BECN1: variants seen among roughly 807,000 people sequenced by gnomAD.
The protein encoded by BECN1 is beclin-1.
BECN1 carries 15 observed loss-of-function variants against 60.1 expected under a neutral mutation model. That is an observed-to-expected ratio of 0.25 (90% confidence interval 0.17 to 0.38). BECN1 has a LOEUF of 0.38. Among genes scored for constraint, BECN1 ranks in the 10% least tolerant of loss-of-function variants. The pLI, the probability that BECN1 is intolerant of heterozygous loss-of-function variation, is 1.00. For missense variants in BECN1, 424 were observed against 548.2 expected (o/e 0.77, Z 2.26); for synonymous variants, 179 against 201.8 (o/e 0.89, Z 0.96).
rs2054976439 is a variant in BECN1, at chr17:42,810,633, T to C, written c.*127A>G. 4.9e-6 allele frequency: 5 copies of C among 1,022,344 alleles called. No individual in the cohort carries two copies. In the East Asian group the frequency reaches 1.4e-4, roughly 29 times the overall value. The allele number at this position is 1,022,344 out of a possible 1,614,324, so 63.3% of individuals were successfully genotyped here. A position where few individuals can be genotyped will look rare whatever the true frequency, so the allele number is the denominator to read the frequency against. ...ATATTTTAAAATAAAGTGGCTTTTG[T>C]GGATTTTTTCTTTTTTGGTATTGTA... On this transcript the variant is annotated 3_prime_UTR_variant, in exon 12 of 12. Coordinates refer to ENST00000590099, the MANE Select transcript of BECN1 (RefSeq NM_001313998.2).
At chr17:42,819,458 C>CT in intron 4 of BECN1, 90 bp downstream of exon 4, 2 of 1,408,376 alleles carry the variant, frequency 1.4e-6, no homozygotes, top group South Asian at 2.5e-5. Context: ...TGATGCATCT[C>CT]TATCACCTGG....
At chr17:42,811,198 T>C (rs776138285) in intron 11 of BECN1, 2 of 354,624 alleles carry the variant, frequency 5.6e-6, no homozygotes, top group Non-Finnish European at 1.0e-5. Flanking sequence ...ACAGTACTTC[T>C]TGCTGTTTTC....
At chr17:42,819,681 G>T in intron 3 of BECN1, 72 bp from the exon 4 acceptor site, 1 of 1,455,210 alleles carries the variant, frequency 6.9e-7, no homozygotes, top group South Asian at 1.2e-5. Flanking sequence ...AACAGCCTCA[G>T]AACTATATGG....
chr17:42,814,904 C>G, intron 8 of BECN1: 1 of 548,742 alleles, frequency 1.8e-6, no homozygotes, highest in Non-Finnish European at 3.2e-6. Context: ...TCAGCTCCTT[C>G]CGTGCAAAAC....
In BECN1 at chr17:42,820,660, T is replaced by C; in HGVS notation, c.198+114A>G. 3.7e-6 allele frequency: 4 copies of C among 1,075,142 alleles called. No individual in the cohort carries two copies. The South Asian group carries it at 5.8e-5, about 16-fold the overall frequency. The allele number at this position is 1,075,142 out of a possible 1,614,324, so 66.6% of individuals were successfully genotyped here. ...AGAGATCCCAAAAGTCCGGGAGCTC[T>C]AGAAGCGCCAAGTAGCCTGCAGAAA... On this transcript the variant is annotated intron_variant, in intron 3 of 11. Coordinates refer to ENST00000590099, the MANE Select transcript of BECN1 (RefSeq NM_001313998.2).
At chr17:42,815,885 C>T in intron 8 of BECN1, 23 bp downstream of exon 8, 1 of 1,614,120 alleles carries the variant, frequency 6.2e-7, no homozygotes, top group Non-Finnish European at 8.5e-7. Context: ...GTGCAGTGCT[C>T]CTCATCCCCT....
chr17:42,823,465 G>A (rs548979242), intron 2 of BECN1, among the ~76,000 whole-genome samples: 1 of 152,134 alleles, frequency 6.6e-6, no homozygotes, highest in Non-Finnish European at 1.5e-5. Context: ...TGTTGGCCAG[G>A]CTGGTCTCGA....
intron 9 of BECN1, 78 bp downstream of exon 9, chr17:42,814,446 G>A (rs2055102558): frequency 6.4e-7 from 1 of 1,572,886 alleles, no homozygotes; most frequent in Non-Finnish European, 8.7e-7. Flanking sequence ...CTCCTGACAT[G>A]GTGGACAGCA....
At chr17:42,813,783 A>G (rs983767750) in intron 10 of BECN1, 165 bp downstream of exon 10, 3 of 512,980 alleles carry the variant, frequency 5.8e-6, no homozygotes, top group Non-Finnish European at 1.0e-5. Context: ...TGTCTACAAG[A>G]CCCCCAAAAC....
intron 11 of BECN1, 89 bp from the exon 12 acceptor site, chr17:42,811,017 T>A: frequency 7.7e-7 from 1 of 1,303,422 alleles, no homozygotes. Context: ...ACCATTCACG[T>A]CATTTTATCT....
At position 42,810,257 on chromosome 17, in the gene BECN1, C is replaced by G. The variant is rs2054965124; in HGVS notation, c.*503G>C. 6.5e-6 allele frequency: 1 copy of G among 152,954 alleles called. No homozygotes were observed. Among genetic ancestry groups the G allele is most frequent in the Admixed American group, 6.5e-5 (1 of 15,294 alleles). 9.5% of individuals were successfully genotyped at this position (152,954 alleles called of 1,614,324 possible). ...GCAGAGTCGGCATTCAGTATAAGAA[C>G]CAAGTGAAAAGTGTTAAATTTCAAG... On this transcript the variant is annotated 3_prime_UTR_variant, in exon 12 of 12. Coordinates refer to ENST00000590099, the MANE Select transcript of BECN1 (RefSeq NM_001313998.2).
chr17:42,817,990 T>G (rs534309399), intron 7 of BECN1, among the ~76,000 whole-genome samples: 3 of 152,226 alleles, frequency 2.0e-5, no homozygotes, highest in Non-Finnish European at 4.4e-5. Flanking sequence ...CTCTGGTTTC[T>G]GCACTATTTA....
At chr17:42,821,361 T>C (rs906507113) in intron 2 of BECN1, among the ~76,000 whole-genome samples, 2 of 152,160 alleles carry the variant, frequency 1.3e-5, no homozygotes, top group Admixed American at 6.5e-5. Context: ...GCCGGTATCA[T>C]TTATCTTTAA....
In BECN1 at chr17:42,820,792, T is replaced by C. The variant is rs752026112; in HGVS notation, c.180A>G (p.Glu60=). 10 of 1,594,922 alleles carry C rather than the reference T, an allele frequency of 6.3e-6. No individual in the cohort carries two copies. In the South Asian group the frequency reaches 1.0e-4, roughly 16 times the overall value. The change falls in exon 3 of 12, where the codon GAA becomes GAG. Residue 60 remains glutamate (E), a synonymous_variant. Transcript: ENST00000590099. ...AQAKPGETQE[E]ETNSGEEPFI... ...CTATTACCTCTCCTGAGTTAGTCTCTTCCTCCTGGGTCTCTCCTGGTTTCG... is the reference window on the plus strand; with the variant it reads ...CTATTACCTCTCCTGAGTTAGTCTCCTCCTCCTGGGTCTCTCCTGGTTTCG...
intron 3 of BECN1, 34 bp downstream of exon 3, chr17:42,820,740 A>G (rs1271530623): frequency 1.3e-6 from 2 of 1,529,338 alleles, no homozygotes; most frequent in Admixed American, 1.9e-5. Context: ...TGTTTACTAC[A>G]TGAGGAGGAT....
At chr17:42,817,220 AG>A (rs904935108) in intron 7 of BECN1, among the ~76,000 whole-genome samples, 1 of 151,380 alleles carries the variant, frequency 6.6e-6, no homozygotes, top group African/African-American at 2.4e-5. Context: ...GCTTAGGTGT[AG>A]GAAGTCAAGG....
intron 8 of BECN1, among the ~76,000 whole-genome samples, chr17:42,815,330 G>C (rs2055124082): frequency 6.6e-6 from 1 of 151,886 alleles, no homozygotes; most frequent in African/African-American, 2.4e-5. Flanking sequence ...CTCTCTGCTA[G>C]GAACAACCCC....
At chr17:42,819,904 CA>C (rs1567673091) in intron 3 of BECN1, among the ~76,000 whole-genome samples, 1 of 152,048 alleles carries the variant, frequency 6.6e-6, no homozygotes, top group Non-Finnish European at 1.5e-5. Context: ...ACTTAGCAGT[CA>C]GGGGCAGAGG....
At chr17:42,816,885 G>A (rs748668412) in intron 7 of BECN1, among the ~76,000 whole-genome samples, 1 of 151,990 alleles carries the variant, frequency 6.6e-6, no homozygotes, top group East Asian at 1.9e-4. Flanking sequence ...TAGGAGAATC[G>A]CTTGAACCTG....
Sources: allele counts gnomAD v4.1 joint callset (sites outside exome capture counted in the v4.1 genomes callset), GRCh38; gene constraint gnomAD v4.1.1; transcripts MANE v1.5; gene names NCBI Gene and HGNC (gene_info 2026-07-23, HGNC 2026-07-21).